Variants in WDR49 observed in about 807,000 individuals in gnomAD.
WDR49 encodes WD repeat domain 49, also known as cilia- and flagella-associated protein 337.
In WDR49, 107 loss-of-function variants were observed where a neutral mutation model predicts 119.5. That is an observed-to-expected ratio of 0.90 (90% confidence interval 0.77 to 1.05). WDR49 has a LOEUF of 1.05. Among genes scored for constraint, WDR49 ranks in the 50% least tolerant of loss-of-function variants. The pLI, the probability that WDR49 is intolerant of heterozygous loss-of-function variation, is 0.00. For missense variants in WDR49, 1,240 were observed against 1,220.5 expected, an observed-to-expected ratio of 1.02 and a Z score of -0.24; for synonymous variants, 425 against 418.8, an observed-to-expected ratio of 1.01 and a Z score of -0.18.
At chr3:167,524,216 A>G in intron 15 of WDR49, among the ~76,000 whole-genome samples, 1 of 152,066 alleles carries the variant, frequency 6.6e-6, no homozygotes, top group Non-Finnish European at 1.5e-5. Flanking sequence ...GTCTGTTCAT[A>G]TCCTTCACTC....
chr3:167,630,816 T>C (rs1717335313), intron 2 of WDR49, among the ~76,000 whole-genome samples: 1 of 152,128 alleles, frequency 6.6e-6, no homozygotes, highest in African/African-American at 2.4e-5. Flanking sequence ...TGTGTGTTTC[T>C]GTTGAAAGAC....
At chr3:167,649,016 A>T (rs925098324) in intron 2 of WDR49, among the ~76,000 whole-genome samples, 8 of 152,212 alleles carry the variant, frequency 5.3e-5, no homozygotes, top group African/African-American at 1.9e-4. Flanking sequence ...AAAAAATTTT[A>T]AATGAACTTT....
intron 18 of WDR49, among the ~76,000 whole-genome samples, chr3:167,485,934 C>T (rs968027373): frequency 1.3e-5 from 2 of 151,494 alleles, no homozygotes; most frequent in East Asian, 3.9e-4. Flanking sequence ...GAGGGCCATC[C>T]CCAAGGCACA....
At chr3:167,485,121 C>T (rs1330700754) in intron 18 of WDR49, among the ~76,000 whole-genome samples, 1 of 152,146 alleles carries the variant, frequency 6.6e-6, no homozygotes, top group Non-Finnish European at 1.5e-5. Flanking sequence ...CATGTTCTCA[C>T]TCATAAGTCG....
At chr3:167,522,091 C>T (rs1375770383) in intron 16 of WDR49, among the ~76,000 whole-genome samples, 1 of 152,030 alleles carries the variant, frequency 6.6e-6, no homozygotes, top group Non-Finnish European at 1.5e-5. Context: ...CTAGATGGCA[C>T]TTAATACATA....
intron 5 of WDR49, among the ~76,000 whole-genome samples, chr3:167,614,502 C>T (rs914487169): frequency 2.0e-5 from 3 of 152,124 alleles, no homozygotes; most frequent in African/African-American, 7.2e-5. Flanking sequence ...AAATTCAAGA[C>T]GTTTATGTCT....
chr3:167,616,076 A>C lies in WDR49; in HGVS notation c.958+4353T>G, dbSNP rs111993027. On this transcript the variant is annotated intron_variant, in intron 5 of 18. Coordinates refer to ENST00000682715, the MANE Select transcript of WDR49 (RefSeq NM_001366157.1). ...TGGGATGGATCTAGATAACAGAATTAAACTGAAATATGCCAGTGCTTACTA... is the reference window on the plus strand; with the variant it reads ...TGGGATGGATCTAGATAACAGAATTCAACTGAAATATGCCAGTGCTTACTA... Among the ~76,000 whole-genome samples, 674 of 152,330 alleles carry C rather than the reference A, an allele frequency of 4.4e-3. 4 individuals carry two copies. Among genetic ancestry groups the C allele is most frequent in the African/African-American group, 0.013 (545 of 41,566 alleles).
At chr3:167,607,165 G>A (rs1338751935) in intron 5 of WDR49, among the ~76,000 whole-genome samples, 1 of 152,112 alleles carries the variant, frequency 6.6e-6, no homozygotes, top group Non-Finnish European at 1.5e-5. Flanking sequence ...TTATGGTCAG[G>A]AGGTTACACT....
In WDR49 at chr3:167,620,709, A is replaced by G; in HGVS notation, c.784-106T>C. On this transcript the variant is annotated intron_variant, in intron 4 of 18. Transcript: ENST00000682715. ...AGGAATAGCTATTAACTTAATAAGA[A>G]TTTCTTCAATATTATTTAAAGGATG... 3 of 1,088,556 alleles carry G rather than the reference A, an allele frequency of 2.8e-6. No individual in the cohort carries two copies. In the South Asian group the frequency reaches 6.1e-5, roughly 22 times the overall value. 67.4% of individuals were successfully genotyped at this position (1,088,556 alleles called of 1,614,324 possible). A position where few individuals can be genotyped will look rare whatever the true frequency, so the allele number is the denominator to read the frequency against.
intron 3 of WDR49, among the ~76,000 whole-genome samples, chr3:167,622,790 A>T (rs554296227): frequency 6.6e-6 from 1 of 152,298 alleles, no homozygotes; most frequent in South Asian, 2.1e-4. Flanking sequence ...GCACAGGCAC[A>T]TTCTCCAGGG....
chr3:167,594,286 G>A (rs148103091), intron 7 of WDR49, among the ~76,000 whole-genome samples: 283 of 152,266 alleles, frequency 1.9e-3, no homozygotes, highest in African/African-American at 6.4e-3. Flanking sequence ...TGACCAAAAT[G>A]TTCATAGTGA....
At chr3:167,552,033 T>C (rs985303532) in intron 10 of WDR49, among the ~76,000 whole-genome samples, 1 of 152,014 alleles carries the variant, frequency 6.6e-6, no homozygotes, top group Non-Finnish European at 1.5e-5. Context: ...GAGGGATTTC[T>C]AGATAAGAGG....
At chr3:167,490,888 A>G (rs1369295508) in intron 18 of WDR49, among the ~76,000 whole-genome samples, 3 of 151,966 alleles carry the variant, frequency 2.0e-5, no homozygotes. Flanking sequence ...CTGGTCTGCT[A>G]CCTTGCACAA....
intron 11 of WDR49, among the ~76,000 whole-genome samples, chr3:167,534,636 T>C (rs1324541301): frequency 6.6e-6 from 1 of 152,178 alleles, no homozygotes; most frequent in Non-Finnish European, 1.5e-5. Flanking sequence ...AAGTTTTCAT[T>C]CCTCTTAATT....
chr3:167,495,397 A>T, intron 18 of WDR49, among the ~76,000 whole-genome samples: 1 of 152,106 alleles, frequency 6.6e-6, no homozygotes, highest in Non-Finnish European at 1.5e-5. Flanking sequence ...TACATATATA[A>T]TCTGAAACTG....
chr3:167,499,902 G>A (rs904355535), intron 18 of WDR49, among the ~76,000 whole-genome samples: 7 of 152,152 alleles, frequency 4.6e-5, no homozygotes, highest in Non-Finnish European at 8.8e-5. Flanking sequence ...ATAGATACAT[G>A]TTCATGGCAT....
chr3:167,503,527 A>G (rs1751654729), intron 17 of WDR49, among the ~76,000 whole-genome samples: 1 of 152,204 alleles, frequency 6.6e-6, no homozygotes, highest in South Asian at 2.1e-4. Context: ...ATGGAAGAGA[A>G]CCATGGAACC....
chr3:167,479,444 A>G (rs1044497491), intron 18 of WDR49, among the ~76,000 whole-genome samples: 2 of 152,046 alleles, frequency 1.3e-5, no homozygotes, highest in African/African-American at 2.4e-5. Flanking sequence ...CAGTTTTAGG[A>G]AAAAAAAGAA....
At position 167,556,850 on chromosome 3, in the gene WDR49, C is replaced by A. The variant is rs576670319; in HGVS notation, c.1675-2052G>T. On this transcript the variant is annotated intron_variant, in intron 9 of 18. Transcript: ENST00000682715. ...GACCAGCCTGGCCAATATGGTGAAA[C>A]CCCATCTCTACTAAAAATATAAAAA... Among the ~76,000 whole-genome samples the A allele has an allele frequency of 3.9e-5, 6 of 152,198 alleles. No homozygotes were observed. The Middle Eastern group carries it at 0.017, about 431-fold the overall frequency.
Sources: gnomAD v4.1 joint callset for allele counts (sites outside exome capture counted in the v4.1 genomes callset) on GRCh38, gnomAD v4.1.1 for gene constraint, MANE v1.5 for transcripts, NCBI Gene and HGNC (gene_info 2026-07-23, HGNC 2026-07-21) for gene names.